NEMP2: variants seen among roughly 807,000 people sequenced by gnomAD.
NEMP2 encodes the protein UPF0571 transmembrane protein.
NEMP2 carries 53 observed loss-of-function variants against 54.2 expected under a neutral mutation model. The observed-to-expected ratio is 0.98, with a 90% confidence interval of 0.78 to 1.23. The LOEUF is 1.23. Ranked by LOEUF, NEMP2 falls within the 50% of genes most tolerant of loss-of-function variation. The pLI is 0.00. For synonymous variants in NEMP2, 197 were observed against 190.3 expected (o/e 1.04, Z -0.29); for missense variants, 455 against 511.3 (o/e 0.89, Z 1.06).
At chr2:190,567,252 C>A in the NEMP2 span, among the ~76,000 whole-genome samples, 4 of 149,988 alleles carry the variant, frequency 2.7e-5, no homozygotes, top group African/African-American at 9.9e-5. The surrounding 1 kb of genome is among the most constrained non-coding windows in gnomAD (Gnocchi z 4.0). Flanking sequence ...AAAATAGAAC[C>A]AAAAGATGAG....
rs1050442344 is a variant in NEMP2 at position 190,520,403 on chromosome 2, C to T, written c.214-1220G>A. Among the ~76,000 whole-genome samples, 1 of 152,220 alleles carries T rather than the reference C, an allele frequency of 6.6e-6. No homozygotes were observed. The highest frequency in any genetic ancestry group is 1.5e-5 in the Non-Finnish European group (1 of 68,048). The stretch of plus-strand genomic sequence containing the variant: ...TGGTCATTAAATGACAATTTTGCTG[C>T]TGCCTTTGTCTGTCCTTTTCTCTAT... On this transcript the variant is annotated intron_variant, in intron 2 of 8. Coordinates refer to ENST00000409150, the MANE Select transcript of NEMP2 (RefSeq NM_001142645.2). The surrounding 1 kb of genome is among the most constrained non-coding windows in gnomAD (Gnocchi z 5.4).
At chr2:190,440,005 A>G in the NEMP2 span, among the ~76,000 whole-genome samples, 1 of 152,220 alleles carries the variant, frequency 6.6e-6, no homozygotes, top group Non-Finnish European at 1.5e-5. Context: ...GTGAAGAGAA[A>G]TGATCTCTGA....
At chr2:190,619,706 T>C in the NEMP2 span, among the ~76,000 whole-genome samples, 1 of 152,086 alleles carries the variant, frequency 6.6e-6, no homozygotes, top group Non-Finnish European at 1.5e-5. The surrounding 1 kb of genome is among the most constrained non-coding windows in gnomAD (Gnocchi z 5.5). Context: ...ATACATGATT[T>C]TTCATTCTGC....
chr2:190,498,121 G>A, the NEMP2 span: 6 of 173,846 alleles, frequency 3.5e-5, no homozygotes, highest in Non-Finnish European at 6.2e-5. The surrounding 1 kb of genome is among the most constrained non-coding windows in gnomAD (Gnocchi z 5.9). Context: ...CTGAGCCACT[G>A]TATGGGTCTG....
chr2:190,622,896 A>G, the NEMP2 span, among the ~76,000 whole-genome samples: 1 of 152,210 alleles, frequency 6.6e-6, no homozygotes, highest in East Asian at 1.9e-4. Context: ...AAAGATGTCA[A>G]ATTATAATGT....
chr2:190,461,845 A>T, the NEMP2 span, among the ~76,000 whole-genome samples: 2 of 149,970 alleles, frequency 1.3e-5, no homozygotes, highest in South Asian at 2.1e-4. This position sits in a 1 kb window ranked among gnomAD's most constrained non-coding sequence, Gnocchi z 5.5. Flanking sequence ...ACCAGTTTTA[A>T]TTTTTTTTTT....
chr2:190,431,042 AGAGGCGCTCCTCACCTCCCAGACG>A, the NEMP2 span, among the ~76,000 whole-genome samples: 1 of 115,034 alleles, frequency 8.7e-6, no homozygotes, highest in Non-Finnish European at 2.1e-5. This position sits in a 1 kb window ranked among gnomAD's most constrained non-coding sequence, Gnocchi z 4.4. Flanking sequence ...GCGGCCGGGC[AGAGGCGCTCCTCACCTCCCAGACG>A]GGGTCGCAGC....
At chr2:190,462,544 A>T in the NEMP2 span, among the ~76,000 whole-genome samples, 1 of 152,168 alleles carries the variant, frequency 6.6e-6, no homozygotes, top group African/African-American at 2.4e-5. This position sits in a 1 kb window ranked among gnomAD's most constrained non-coding sequence, Gnocchi z 5.7. Context: ...TTTGAGTACA[A>T]AGAGGAAGAA....
At chr2:190,488,687 G>A in the NEMP2 span, 2 of 1,592,602 alleles carry the variant, frequency 1.3e-6, no homozygotes, top group South Asian at 1.1e-5. This position sits in a 1 kb window ranked among gnomAD's most constrained non-coding sequence, Gnocchi z 6.4. Flanking sequence ...TGGGCAGCAT[G>A]CATTTCTTAC....
At chr2:190,473,086 G>T in the NEMP2 span, among the ~76,000 whole-genome samples, 2 of 152,102 alleles carry the variant, frequency 1.3e-5, no homozygotes, top group African/African-American at 2.4e-5. Context: ...CCTGAAGGAA[G>T]CACTAAACAT....
chr2:190,497,538 G>C, the NEMP2 span: 1 of 1,614,142 alleles, frequency 6.2e-7, no homozygotes, highest in Non-Finnish European at 8.5e-7. This position sits in a 1 kb window ranked among gnomAD's most constrained non-coding sequence, Gnocchi z 5.2. Flanking sequence ...GTCATGCCAC[G>C]CATTGAGCCC....
chr2:190,637,106 A>G, the NEMP2 span, among the ~76,000 whole-genome samples: 3 of 152,206 alleles, frequency 2.0e-5, no homozygotes, highest in Non-Finnish European at 4.4e-5. This position sits in a 1 kb window ranked among gnomAD's most constrained non-coding sequence, Gnocchi z 4.5. Context: ...AGATCCTGGA[A>G]TCTGTTTTCA....
At chr2:190,534,530 G>A in intron 1 of NEMP2, 29 bp downstream of exon 1, 3 of 1,379,850 alleles carry the variant, frequency 2.2e-6, no homozygotes, top group South Asian at 3.3e-5. Context: ...GCACGCACGC[G>A]CGCGCCGCCG....
the NEMP2 span, among the ~76,000 whole-genome samples, chr2:190,613,559 T>C: frequency 6.6e-6 from 1 of 152,140 alleles, no homozygotes; most frequent in Non-Finnish European, 1.5e-5. Flanking sequence ...TGCTGGCAAC[T>C]CTTAAGACAT....
chr2:190,484,364 T>C, the NEMP2 span, among the ~76,000 whole-genome samples: 1 of 152,352 alleles, frequency 6.6e-6, no homozygotes, highest in Non-Finnish European at 1.5e-5. Context: ...ACATAAAGAA[T>C]AATCATCTAC....
chr2:190,526,296 CA>C (rs1690932059), intron 1 of NEMP2, among the ~76,000 whole-genome samples: 1 of 152,104 alleles, frequency 6.6e-6, no homozygotes, highest in Non-Finnish European at 1.5e-5. Flanking sequence ...CTGAATCAGC[CA>C]AACCCAACAG....
chr2:190,609,666 A>G, the NEMP2 span: 1 of 152,186 alleles, frequency 6.6e-6, no homozygotes, highest in African/African-American at 2.4e-5. This position sits in a 1 kb window ranked among gnomAD's most constrained non-coding sequence, Gnocchi z 4.7. Flanking sequence ...GCAGGCCTGC[A>G]TTAGTGAGAC....
At chr2:190,436,089 T>A in the NEMP2 span, 1 of 1,614,196 alleles carries the variant, frequency 6.2e-7, no homozygotes, top group Non-Finnish European at 8.5e-7. This position sits in a 1 kb window ranked among gnomAD's most constrained non-coding sequence, Gnocchi z 5.3. Flanking sequence ...AGAGAAAGTA[T>A]GTGCTTGCAG....
chr2:190,566,483 G>A, the NEMP2 span, among the ~76,000 whole-genome samples: 1 of 152,024 alleles, frequency 6.6e-6, no homozygotes, highest in Non-Finnish European at 1.5e-5. Flanking sequence ...AGCTGGGTGT[G>A]GTGGCTGAGG....
Sources: gnomAD v4.1 joint callset for allele counts (sites outside exome capture counted in the v4.1 genomes callset) on GRCh38, gnomAD v4.1.1 for gene constraint, Gnocchi (gnomAD v3.1) non-coding constraint, MANE v1.5 for transcripts, NCBI Gene and HGNC (gene_info 2026-07-23, HGNC 2026-07-21) for gene names.